Variants in TTC28 observed in about 807,000 individuals in gnomAD.
TTC28 encodes the protein tetratricopeptide repeat protein 28.
In TTC28, 61 loss-of-function variants were observed where a neutral mutation model predicts 198.0. The ratio of observed to expected loss-of-function variants is 0.31; its 90% CI spans 0.25 to 0.38. TTC28 has a LOEUF of 0.38. TTC28 is among the 10% of genes least tolerant of loss of function. The pLI is 1.00. For missense variants in TTC28, 2,678 were observed against 3,164.0 expected, an observed-to-expected ratio of 0.85 and a Z score of 3.69; for synonymous variants, 1,171 against 1,297.8, an observed-to-expected ratio of 0.90 and a Z score of 2.10.
intron 2 of TTC28, among the ~76,000 whole-genome samples, chr22:28,352,150 T>C (rs2046006137): frequency 6.6e-6 from 1 of 152,128 alleles, no homozygotes; most frequent in Admixed American, 6.5e-5. Context: ...CAATGATCTA[T>C]AAACTTTCAA....
intron 18 of TTC28, 38 bp downstream of exon 18, chr22:27,993,249 G>A: frequency 6.8e-7 from 1 of 1,460,244 alleles, no homozygotes; most frequent in East Asian, 2.5e-5. Flanking sequence ...CCTGCTGTCA[G>A]CCAGGCCTGT....
At chr22:28,122,980 G>C (rs1942824658) in intron 6 of TTC28, among the ~76,000 whole-genome samples, 2 of 152,176 alleles carry the variant, frequency 1.3e-5, no homozygotes, top group Admixed American at 6.5e-5. Context: ...CGATTTTATT[G>C]AAATGGGGTA....
At chr22:28,258,902 A>AGT (rs34572491) in intron 5 of TTC28, among the ~76,000 whole-genome samples, 34,734 of 147,688 alleles carry the variant, frequency 0.24, 4,217 homozygotes, top group Admixed American at 0.37. Context: ...TTGGTTAAAG[A>AGT]GTGTGTGTGT....
At chr22:28,091,164 T>G (rs1416682431) in intron 12 of TTC28, among the ~76,000 whole-genome samples, 1 of 152,210 alleles carries the variant, frequency 6.6e-6, no homozygotes, top group African/African-American at 2.4e-5. Context: ...AAGACATTTT[T>G]CAATTCAAAA....
chr22:28,632,619 A>T (rs2051196435), intron 1 of TTC28, among the ~76,000 whole-genome samples: 1 of 152,128 alleles, frequency 6.6e-6, no homozygotes, highest in Non-Finnish European at 1.5e-5. Flanking sequence ...GGAAAATATG[A>T]TCATCATGGT....
chr22:28,070,365 G>T (rs1033517821), intron 12 of TTC28, among the ~76,000 whole-genome samples: 2 of 152,154 alleles, frequency 1.3e-5, no homozygotes, highest in African/African-American at 2.4e-5. Context: ...TGCTGAGATA[G>T]ACAAAAACAG....
intron 2 of TTC28, among the ~76,000 whole-genome samples, chr22:28,361,663 T>C (rs988034980): frequency 2.6e-5 from 4 of 152,180 alleles, no homozygotes; most frequent in South Asian, 4.1e-4. Flanking sequence ...CACCAAGCAA[T>C]AGATTTTCAA....
chr22:28,584,477 CATGTCCAATAGAACTTCATGTGATA>C (rs2050281106), intron 2 of TTC28, among the ~76,000 whole-genome samples: 1 of 152,106 alleles, frequency 6.6e-6, no homozygotes, highest in East Asian at 1.9e-4. Flanking sequence ...CCATATCAGC[CATGTCCAATAGAACTTCATGTGATA>C]ATGGGAAGAT....
intron 12 of TTC28, among the ~76,000 whole-genome samples, chr22:28,091,877 G>A (rs1393059958): frequency 2.0e-5 from 3 of 152,204 alleles, no homozygotes; most frequent in Non-Finnish European, 2.9e-5. Flanking sequence ...TAATGAGAAT[G>A]TATAAATGGG....
At chr22:28,592,766 C>A (rs995080044) in intron 2 of TTC28, among the ~76,000 whole-genome samples, 5 of 152,238 alleles carry the variant, frequency 3.3e-5, no homozygotes, top group African/African-American at 1.2e-4. Context: ...CTCCTTTATT[C>A]TATCTTTTTT....
intron 2 of TTC28, among the ~76,000 whole-genome samples, chr22:28,409,285 AC>A (rs1321799531): frequency 1.3e-5 from 2 of 152,166 alleles, no homozygotes; most frequent in Non-Finnish European, 2.9e-5. Context: ...AAGAAATTCA[AC>A]CCAGCAGTCA....
chr22:28,498,575 G>A (rs963061577), intron 2 of TTC28, among the ~76,000 whole-genome samples: 8 of 152,124 alleles, frequency 5.3e-5, no homozygotes, highest in Non-Finnish European at 7.4e-5. Context: ...AATGTTCACC[G>A]AAAGGGGCTC....
chr22:28,394,377 T>C (rs1199187653), intron 2 of TTC28, among the ~76,000 whole-genome samples: 1 of 152,198 alleles, frequency 6.6e-6, no homozygotes, highest in South Asian at 2.1e-4. Context: ...TGAAAACAAC[T>C]AAAAACATTT....
At chr22:28,364,028 A>T (rs2046203637) in intron 2 of TTC28, among the ~76,000 whole-genome samples, 1 of 152,108 alleles carries the variant, frequency 6.6e-6, no homozygotes, top group African/African-American at 2.4e-5. Flanking sequence ...GACTGTTGAG[A>T]AGGCATGATT....
intron 2 of TTC28, among the ~76,000 whole-genome samples, chr22:28,617,567 T>C (rs905941455): frequency 6.6e-6 from 1 of 152,176 alleles, no homozygotes; most frequent in African/African-American, 2.4e-5. Context: ...AATATGCATA[T>C]GAACTGACAA....
intron 20 of TTC28, among the ~76,000 whole-genome samples, chr22:27,990,256 C>T (rs1937353420): frequency 6.6e-6 from 1 of 152,190 alleles, no homozygotes; most frequent in Non-Finnish European, 1.5e-5. Context: ...GTTCTGCTTC[C>T]AGCCTTGTGT....
At chr22:28,452,217 A>G (rs57871917) in intron 2 of TTC28, among the ~76,000 whole-genome samples, 13,155 of 151,734 alleles carry the variant, frequency 0.087, 680 homozygotes, top group African/African-American at 0.12. Context: ...GTGAAACCCC[A>G]TCTCTACTAA....
At chr22:28,307,447 C>G (rs1437981735) in intron 2 of TTC28, among the ~76,000 whole-genome samples, 1 of 152,136 alleles carries the variant, frequency 6.6e-6, no homozygotes, top group African/African-American at 2.4e-5. Flanking sequence ...GGGTCTCACT[C>G]TTTCAACCAG....
chr22:28,503,786 T>C (rs1174031321), intron 2 of TTC28, among the ~76,000 whole-genome samples: 1 of 152,244 alleles, frequency 6.6e-6, no homozygotes, highest in Admixed American at 6.5e-5. Context: ...AGTCATTAGC[T>C]CCAGTCAGTA....
Sources: gnomAD v4.1 joint callset for allele counts (sites outside exome capture counted in the v4.1 genomes callset) on GRCh38, gnomAD v4.1.1 for gene constraint, MANE v1.5 for transcripts, NCBI Gene and HGNC (gene_info 2026-07-23, HGNC 2026-07-21) for gene names.